The following PPP2R2C variants were observed in gnomAD, a reference collection of about 807,000 sequenced individuals.
The protein encoded by PPP2R2C is protein phosphatase 2 regulatory subunit Bgamma.
Under a neutral mutation model 45.3 loss-of-function variants are expected in PPP2R2C, and 10 were observed. The ratio of observed to expected loss-of-function variants is 0.22; its 90% confidence interval spans 0.14 to 0.37. The LOEUF (loss-of-function observed/expected upper bound fraction) is 0.37, where lower values mean the gene tolerates loss of function less well. Among genes scored for constraint, PPP2R2C ranks in the 10% least tolerant of loss-of-function variants. The pLI is 1.00. For missense variants in PPP2R2C, 308 were observed against 619.7 expected, an observed-to-expected ratio of 0.50 and a Z score of 5.34; for synonymous variants, 257 against 245.4, an observed-to-expected ratio of 1.05 and a Z score of -0.44.
intron 1 of PPP2R2C, among the ~76,000 whole-genome samples, chr4:6,432,409 A>G (rs1719671080): frequency 6.6e-6 from 1 of 152,172 alleles, no homozygotes; most frequent in Non-Finnish European, 1.5e-5. Flanking sequence ...CCACATCCTC[A>G]GTAGGTGTCC....
intron 1 of PPP2R2C, among the ~76,000 whole-genome samples, chr4:6,427,677 C>CGG (rs1468411046): frequency 6.6e-5 from 10 of 152,212 alleles, no homozygotes; most frequent in African/African-American, 2.4e-4. Context: ...TCAGTATGCT[C>CGG]GGTGATGGAT....
Position 6,345,880 on chromosome 4 carries a change from C to G in PPP2R2C, c.790+1966G>C, listed in dbSNP as rs1294248680. On this transcript the variant is annotated intron_variant, in intron 6 of 8. Transcript: ENST00000382599. This position sits in a 1 kb window ranked among gnomAD's most constrained non-coding sequence, Gnocchi z 5.3. ...CCACGGCCACTAACTCCACACTTATCTCCAGGTGGCATTACTGCCTGGATA... is the reference window on the plus strand; with the variant it reads ...CCACGGCCACTAACTCCACACTTATGTCCAGGTGGCATTACTGCCTGGATA... 6.6e-6 allele frequency among the ~76,000 whole-genome samples: 1 copy of G among 152,182 alleles called. No individual in the cohort carries two copies. Among genetic ancestry groups the G allele is most frequent in the South Asian group, 2.1e-4 (1 of 4,828 alleles).
intron 2 of PPP2R2C, among the ~76,000 whole-genome samples, chr4:6,502,738 C>T (rs73207893): frequency 0.026 from 3,891 of 152,094 alleles, 73 homozygotes; most frequent in Middle Eastern, 0.048. Context: ...ACTTCCTGAC[C>T]CCCTCCTTCC....
In PPP2R2C at chr4:6,329,629, A is replaced by G. The variant is rs543430668; in HGVS notation, c.961-276T>C. ...TATCGGGGGGCCCACGACCAGGCAC[A>G]CGGCTGACCTCCACCGTGACACAGC... On this transcript the variant is annotated intron_variant, in intron 7 of 8. Transcript: ENST00000382599. The surrounding 1 kb of genome is among the most constrained non-coding windows in gnomAD (Gnocchi z 5.8). Among the ~76,000 whole-genome samples, 34 of 130,908 alleles carry G rather than the reference A, an allele frequency of 2.6e-4. No individual in the cohort carries two copies. The highest frequency in any genetic ancestry group is 4.6e-4 in the Non-Finnish European group (31 of 67,534). 85.9% of individuals were successfully genotyped at this position (130,908 alleles called of 152,430 possible). A position where few individuals can be genotyped will look rare whatever the true frequency, so the allele number is the denominator to read the frequency against.
chr4:6,513,813 A>T (rs1723748483), intron 2 of PPP2R2C, among the ~76,000 whole-genome samples: 1 of 152,170 alleles, frequency 6.6e-6, no homozygotes, highest in Non-Finnish European at 1.5e-5. Flanking sequence ...AGAGGCCCCC[A>T]TCTCCTCCCC....
At chr4:6,366,108 G>A (rs1430267646) in intron 5 of PPP2R2C, among the ~76,000 whole-genome samples, 1 of 152,222 alleles carries the variant, frequency 6.6e-6, no homozygotes, top group East Asian at 1.9e-4. Flanking sequence ...TGTTTGAAGG[G>A]CTGTTGTTTA....
rs116299386 is a variant in PPP2R2C at position 6,345,527 on chromosome 4, C to T, written c.790+2319G>A. ...AGGCGATCACAAGGGCCTTTATACG[C>T]GAAAGACAGACAGGAGGGTCAGAGA... On this transcript the variant is annotated intron_variant, in intron 6 of 8. Coordinates refer to ENST00000382599, the MANE Select transcript of PPP2R2C (RefSeq NM_020416.4). This position sits in a 1 kb window ranked among gnomAD's most constrained non-coding sequence, Gnocchi z 5.3. Among the ~76,000 whole-genome samples, 11 of 152,116 alleles carry T rather than the reference C, an allele frequency of 7.2e-5. No homozygotes were observed. Among genetic ancestry groups the T allele is most frequent in the Non-Finnish European group, 1.5e-4 (10 of 68,034 alleles).
chr4:6,449,259 G>A (rs1361547629), intron 1 of PPP2R2C, among the ~76,000 whole-genome samples: 1 of 152,176 alleles, frequency 6.6e-6, no homozygotes, highest in Non-Finnish European at 1.5e-5. Context: ...ACAACCTGAT[G>A]TTGATCAACA....
chr4:6,332,795 G>C lies in PPP2R2C; in HGVS notation c.960+767C>G. 6.6e-6 allele frequency among the ~76,000 whole-genome samples: 1 copy of C among 152,140 alleles called. No homozygotes were observed. Among genetic ancestry groups the C allele is most frequent in the East Asian group, 1.9e-4 (1 of 5,184 alleles). On this transcript the variant is annotated intron_variant, in intron 7 of 8. Coordinates refer to ENST00000382599, the MANE Select transcript of PPP2R2C (RefSeq NM_020416.4). The surrounding 1 kb of genome is among the most constrained non-coding windows in gnomAD (Gnocchi z 4.9). ...CCATGTGTGAGGAGTGACACGGTGA[G>C]GAACCGGCTGGGGTTTCTGGTGGGG...
intron 1 of PPP2R2C, among the ~76,000 whole-genome samples, chr4:6,421,379 TC>T (rs1316023807): frequency 1.3e-5 from 2 of 152,160 alleles, no homozygotes; most frequent in African/African-American, 4.8e-5. Context: ...GTTTTTCCAC[TC>T]TTGCTGAATC....
intron 2 of PPP2R2C, among the ~76,000 whole-genome samples, chr4:6,497,328 G>A (rs1722912299): frequency 6.6e-6 from 1 of 152,146 alleles, no homozygotes; most frequent in African/African-American, 2.4e-5. Flanking sequence ...TTGGTGCAAG[G>A]ACAGACAAAC....
chr4:6,453,830 C>T (rs1720873326), intron 1 of PPP2R2C, among the ~76,000 whole-genome samples: 1 of 152,172 alleles, frequency 6.6e-6, no homozygotes, highest in Non-Finnish European at 1.5e-5. Flanking sequence ...CCGAGGGCCA[C>T]GTTGGCTGAT....
chr4:6,500,669 GT>G (rs1237764329), intron 2 of PPP2R2C, among the ~76,000 whole-genome samples: 2 of 152,220 alleles, frequency 1.3e-5, no homozygotes, highest in Non-Finnish European at 2.9e-5. Context: ...AAAGAGGGGG[GT>G]TCATTTGAGC....
intron 2 of PPP2R2C, among the ~76,000 whole-genome samples, chr4:6,493,012 C>G (rs1722744516): frequency 6.6e-6 from 1 of 152,182 alleles, no homozygotes; most frequent in African/African-American, 2.4e-5. Context: ...AACCTCCCAG[C>G]TGTTCCTCCA....
At position 6,322,710 on chromosome 4, in the gene PPP2R2C, G is replaced by C. The variant is rs1227051973; in HGVS notation, c.*592C>G. 2 of 152,270 alleles carry C rather than the reference G, an allele frequency of 1.3e-5. No homozygotes were observed. The highest frequency in any genetic ancestry group is 2.9e-5 in the Non-Finnish European group (2 of 68,084). The allele number at this position is 152,270 out of a possible 1,614,324, so 9.4% of individuals were successfully genotyped here. A position where few individuals can be genotyped will look rare whatever the true frequency, so the allele number is the denominator to read the frequency against. ...TTCAGAAGACCTAGGAGAGGAGCTT[G>C]CATCTGCAAATTCTCAGCATGAATT... On this transcript the variant is annotated 3_prime_UTR_variant, in exon 9 of 9. Transcript: ENST00000382599. This position sits in a 1 kb window ranked among gnomAD's most constrained non-coding sequence, Gnocchi z 7.8.
chr4:6,383,979 C>T (rs1317077761), intron 1 of PPP2R2C: 14 of 985,932 alleles, frequency 1.4e-5, no homozygotes, highest in Non-Finnish European at 1.7e-5. Flanking sequence ...ACGGGCTGGA[C>T]GTATCCATCC....
At chr4:6,474,853 C>T (rs1440947949), upstream of PPP2R2C, among the ~76,000 whole-genome samples, 1 of 151,866 alleles carries the variant, frequency 6.6e-6, no homozygotes, top group Non-Finnish European at 1.5e-5. Flanking sequence ...CACCCCCCAC[C>T]TCCACTAAAT....
chr4:6,456,317 C>G lies in PPP2R2C; in HGVS notation c.70+15843G>C, dbSNP rs6821739. On this transcript the variant is annotated intron_variant, in intron 1 of 8. Transcript: ENST00000382599. ...ATGAAGGATGTTATTTCCCCCCCCCCCCTTTATTCTACTGTCTACACGTTC... is the reference window on the plus strand; with the variant it reads ...ATGAAGGATGTTATTTCCCCCCCCCGCCTTTATTCTACTGTCTACACGTTC... Among the ~76,000 whole-genome samples, 465 of 144,716 alleles carry G rather than the reference C, an allele frequency of 3.2e-3. 2 individuals carry two copies. The highest frequency in any genetic ancestry group is 0.011 in the African/African-American group (441 of 39,788). 94.9% of individuals were successfully genotyped at this position (144,716 alleles called of 152,430 possible).
chr4:6,476,570 A>G (rs527525369), upstream of PPP2R2C, among the ~76,000 whole-genome samples: 4 of 152,298 alleles, frequency 2.6e-5, no homozygotes, highest in African/African-American at 9.6e-5. Flanking sequence ...TTGACCTTGG[A>G]CTTCCCAGCC....
Sources: gnomAD v4.1 joint callset for allele counts (sites outside exome capture counted in the v4.1 genomes callset) on GRCh38, gnomAD v4.1.1 for gene constraint, Gnocchi (gnomAD v3.1) non-coding constraint, MANE v1.5 for transcripts, NCBI Gene and HGNC (gene_info 2026-07-23, HGNC 2026-07-21) for gene names.